The following LEPR variants were observed in gnomAD, a reference collection of about 807,000 sequenced individuals.
LEPR encodes leptin receptor, also known as OB receptor.
In LEPR, 56 loss-of-function variants were observed where a neutral mutation model predicts 114.7. The observed-to-expected ratio is 0.49, with a 90% CI of 0.39 to 0.61. The LOEUF is 0.61. Ranked by LOEUF, LEPR falls within the 20% of genes least tolerant of loss-of-function variation. The pLI is 0.00. For missense variants in LEPR, 1,202 were observed against 1,352.9 expected, an observed-to-expected ratio of 0.89 and a Z score of 1.75; for synonymous variants, 443 against 461.4, an observed-to-expected ratio of 0.96 and a Z score of 0.51.
intron 5 of LEPR, chr1:65,577,922 C>G (rs1654706615): frequency 6.6e-6 from 1 of 151,060 alleles, no homozygotes; most frequent in Non-Finnish European, 1.5e-5. Context: ...AACCCGTCAT[C>G]TACATTAGGT....
intron 10 of LEPR, among the ~76,000 whole-genome samples, chr1:65,602,494 A>T (rs6688776): frequency 6.6e-6 from 1 of 151,684 alleles, no homozygotes; most frequent in Non-Finnish European, 1.5e-5. Context: ...TTACTCTTCT[A>T]TGTTTTAAAA....
intron 2 of LEPR, among the ~76,000 whole-genome samples, chr1:65,503,229 G>T (rs1007493628): frequency 2.0e-5 from 3 of 152,096 alleles, no homozygotes; most frequent in African/African-American, 7.2e-5. Flanking sequence ...ATACCATAAT[G>T]GTGGGTACTC....
intron 2 of LEPR, among the ~76,000 whole-genome samples, chr1:65,487,011 C>T (rs1343310714): frequency 1.3e-5 from 2 of 152,140 alleles, no homozygotes; most frequent in Non-Finnish European, 2.9e-5. Flanking sequence ...CTCTATAAAA[C>T]AGTTTATTCA....
At chr1:65,550,241 G>A (rs1181740393) in intron 2 of LEPR, among the ~76,000 whole-genome samples, 1 of 152,214 alleles carries the variant, frequency 6.6e-6, no homozygotes, top group African/African-American at 2.4e-5. Context: ...GTGCCTCCCA[G>A]TTAGGCTGCT....
intron 12 of LEPR, 58 bp from the exon 13 acceptor site, chr1:65,609,889 C>A: frequency 6.2e-7 from 1 of 1,607,750 alleles, no homozygotes. Context: ...TACTTCAGGG[C>A]CCTTTAGATA....
intron 2 of LEPR, among the ~76,000 whole-genome samples, chr1:65,474,867 C>T (rs2148685): frequency 6.6e-6 from 1 of 151,306 alleles, no homozygotes; most frequent in Non-Finnish European, 1.5e-5. Context: ...ATTAGACAGG[C>T]GTAGTGGCGT....
At chr1:65,420,876 G>A (rs2101661970) in intron 1 of LEPR, 136 bp downstream of exon 1, 2 of 1,122,438 alleles carry the variant, frequency 1.8e-6, no homozygotes, top group Non-Finnish European at 2.6e-6. Flanking sequence ...TTCGGGAGGC[G>A]ATCGACCGCT....
At chr1:65,516,443 CA>C (rs11334603) in intron 2 of LEPR, among the ~76,000 whole-genome samples, 111,125 of 151,258 alleles carry the variant, frequency 0.73, 42,052 homozygotes, top group Middle Eastern at 0.89. Flanking sequence ...GACTCCGTCT[CA>C]AAAAAAAACA....
rs1396210249 is a variant in LEPR at position 65,635,386 on chromosome 1, T to A, written c.2674-805T>A. ...TGATTTGTAGTTGTTTGGCAGGATT[T>A]TTCTTTGTGATATAATCACTTCTAT... On this transcript the variant is annotated intron_variant, in intron 19 of 19. Transcript: ENST00000349533. The A allele has an allele frequency of 5.1e-6, 5 of 984,558 alleles. No individual in the cohort carries two copies. The African/African-American group carries it at 8.7e-5, about 17-fold the overall frequency. The allele number at this position is 984,558 out of a possible 1,614,324, so 61.0% of individuals were successfully genotyped here.
rs551510450 is a variant in LEPR, at chr1:65,589,883, A to T, written c.495-2774A>T. On this transcript the variant is annotated intron_variant, in intron 5 of 19. Coordinates refer to ENST00000349533, the MANE Select transcript of LEPR (RefSeq NM_002303.6). ...CTTCAAAATATGTTCTTCAGTTTCA[A>T]AGTTGTTTTGGCTATTCTAGATTCT... is the stretch of plus-strand genomic sequence containing the variant. 9.9e-5 allele frequency among the ~76,000 whole-genome samples: 15 copies of T among 152,128 alleles called. No individual in the cohort carries two copies. The South Asian group carries it at 1.5e-3, about 15-fold the overall frequency.
intron 2 of LEPR, among the ~76,000 whole-genome samples, chr1:65,500,732 T>C (rs995600474): frequency 8.5e-5 from 13 of 152,198 alleles, no homozygotes; most frequent in Non-Finnish European, 2.9e-5. Flanking sequence ...TAACAGTGGG[T>C]AATTAGTAAT....
At chr1:65,556,187 G>A (rs955318665) in intron 2 of LEPR, among the ~76,000 whole-genome samples, 2 of 152,152 alleles carry the variant, frequency 1.3e-5, no homozygotes, top group Non-Finnish European at 1.5e-5. Context: ...TCTATGAGAA[G>A]TAGTCCTTCA....
At chr1:65,623,118 T>C in intron 19 of LEPR, 137 bp downstream of exon 19, 1 of 867,298 alleles carries the variant, frequency 1.2e-6, no homozygotes, top group Non-Finnish European at 1.8e-6. Flanking sequence ...TCTGTTATTA[T>C]ATACTTTCAA....
intron 2 of LEPR, among the ~76,000 whole-genome samples, chr1:65,554,964 G>A (rs966264374): frequency 6.6e-6 from 1 of 152,104 alleles, no homozygotes; most frequent in African/African-American, 2.4e-5. Context: ...GGCTAGGGGA[G>A]GGAGTTTCTT....
intron 2 of LEPR, among the ~76,000 whole-genome samples, chr1:65,554,261 A>G (rs1363046309): frequency 1.3e-5 from 2 of 152,324 alleles, no homozygotes; most frequent in East Asian, 1.9e-4. Flanking sequence ...TGCTCTCTTC[A>G]GAGCCATCAG....
In LEPR at chr1:65,575,443, G is replaced by C. The variant is rs561843805; in HGVS notation, c.494+2994G>C. On this transcript the variant is annotated intron_variant, in intron 5 of 19. Transcript: ENST00000349533. ...TAACTTCATGCTTTCACTTAATTAA[G>C]TGCAACTATACTTTAAAAAAAAAAT... is the stretch of plus-strand genomic sequence containing the variant. Among the ~76,000 whole-genome samples the C allele has an allele frequency of 1.4e-3, 204 of 145,828 alleles. 11 individuals carry two copies. The highest frequency in any genetic ancestry group is 4.8e-3 in the African/African-American group (186 of 38,946).
chr1:65,617,489 G>A (rs1378851440), intron 15 of LEPR, among the ~76,000 whole-genome samples: 2 of 152,240 alleles, frequency 1.3e-5, no homozygotes, highest in Non-Finnish European at 2.9e-5. Context: ...TTTGGTGTGG[G>A]AAATCATGGA....
At chr1:65,431,575 T>G (rs1014848443) in intron 2 of LEPR, among the ~76,000 whole-genome samples, 35 of 152,242 alleles carry the variant, frequency 2.3e-4, no homozygotes, top group African/African-American at 7.7e-4. Context: ...TAGAGAAATA[T>G]GTCTAATTGG....
At chr1:65,618,345 C>T (rs919647224) in intron 16 of LEPR, among the ~76,000 whole-genome samples, 199 bp downstream of exon 16, 5 of 151,860 alleles carry the variant, frequency 3.3e-5, no homozygotes, top group East Asian at 3.9e-4. Context: ...CTTTTCTTTT[C>T]GGCAGGGTCT....
Sources: gnomAD v4.1 joint callset for allele counts (sites outside exome capture counted in the v4.1 genomes callset) on GRCh38, gnomAD v4.1.1 for gene constraint, MANE v1.5 for transcripts, NCBI Gene and HGNC (gene_info 2026-07-23, HGNC 2026-07-21) for gene names.